Variants in DNAH11 observed in about 807,000 individuals in gnomAD.
DNAH11 encodes the protein dynein axonemal heavy chain 11.
A neutral mutation model predicts 526.0 loss-of-function variants in DNAH11; 442 were observed. The observed-to-expected ratio is 0.84, with a 90% CI of 0.78 to 0.91. The LOEUF (loss-of-function observed/expected upper bound fraction) is 0.91, where lower values mean the gene tolerates loss of function less well. DNAH11 is among the 40% of genes least tolerant of loss of function. The pLI is 0.00. For synonymous variants in DNAH11, 2,461 were observed against 1,935.9 expected (o/e 1.27, Z -7.12); for missense variants, 6,989 against 5,448.7 (o/e 1.28, Z -8.90).
chr7:21,727,452 T>C (rs1273529037), intron 45 of DNAH11, among the ~76,000 whole-genome samples: 1 of 152,230 alleles, frequency 6.6e-6, no homozygotes, highest in African/African-American at 2.4e-5. Context: ...TGAATATGTT[T>C]AATCTCGTCT....
intron 36 of DNAH11, among the ~76,000 whole-genome samples, chr7:21,699,825 A>T (rs1401417322): frequency 1.3e-5 from 2 of 152,058 alleles, no homozygotes; most frequent in Non-Finnish European, 2.9e-5. Flanking sequence ...TTTAATGAGC[A>T]TCTAGTATAA....
At chr7:21,844,697 C>G (rs76143649) in intron 66 of DNAH11, among the ~76,000 whole-genome samples, 269 of 152,278 alleles carry the variant, frequency 1.8e-3, no homozygotes, top group African/African-American at 6.3e-3. Context: ...TCTGGCCACA[C>G]CCCAGATCCC....
intron 76 of DNAH11, among the ~76,000 whole-genome samples, chr7:21,892,040 C>T (rs1257192695): frequency 6.6e-6 from 1 of 152,146 alleles, no homozygotes; most frequent in African/African-American, 2.4e-5. Context: ...ATGTCTACCT[C>T]AGCAAATTCA....
rs752866813 is a variant in DNAH11, at chr7:21,559,743, T to G, written c.833T>G (p.Leu278Arg). The G allele has an allele frequency of 6.2e-6, 10 of 1,608,640 alleles. No homozygotes were observed. In the South Asian group the frequency reaches 1.1e-4, roughly 18 times the overall value. Residue 278 changes from leucine to arginine, a missense_variant, in exon 4 of 82, where the codon CTA becomes CGA. Transcript: ENST00000409508. ...CTTCACTTGTCTCCTCAAGCAGAAC[T>G]AGATTTCTGGATGATGAGGAGAGAA... ...NGLHLSPQAELDFWMMRRENL... is the reference protein window; with the variant it reads ...NGLHLSPQAERDFWMMRRENL...
At chr7:21,750,161 G>A in intron 53 of DNAH11, 61 bp from the exon 54 acceptor site, 1 of 1,498,414 alleles carries the variant, frequency 6.7e-7, no homozygotes, top group South Asian at 1.3e-5. Flanking sequence ...ACGTTTAAAA[G>A]TTATATGTAA....
At chr7:21,688,699 C>T (rs565426227) in intron 34 of DNAH11, among the ~76,000 whole-genome samples, 1 of 152,332 alleles carries the variant, frequency 6.6e-6, no homozygotes, top group South Asian at 2.1e-4. Flanking sequence ...TAGGTTATAC[C>T]TTCATGTTCT....
At chr7:21,685,476 T>A (rs1000551218) in intron 32 of DNAH11, among the ~76,000 whole-genome samples, 9 of 152,210 alleles carry the variant, frequency 5.9e-5, no homozygotes, top group African/African-American at 2.2e-4. Flanking sequence ...ATAAAATGTT[T>A]CCATTTCCAT....
At chr7:21,646,039 A>T (rs536155158) in intron 28 of DNAH11, among the ~76,000 whole-genome samples, 1 of 152,224 alleles carries the variant, frequency 6.6e-6, no homozygotes, top group Non-Finnish European at 1.5e-5. Context: ...GGTGTTGGCA[A>T]TGCAAACAAA....
intron 32 of DNAH11, among the ~76,000 whole-genome samples, chr7:21,684,614 G>T (rs2128473242): frequency 6.6e-6 from 1 of 152,310 alleles, no homozygotes; most frequent in East Asian, 1.9e-4. Context: ...AGAGATCCTG[G>T]GGCAGAAAGT....
chr7:21,706,861 G>A (rs1430059379), intron 39 of DNAH11, among the ~76,000 whole-genome samples: 1 of 152,178 alleles, frequency 6.6e-6, no homozygotes, highest in Non-Finnish European at 1.5e-5. Flanking sequence ...TTTCAAAGGA[G>A]CAAAAGGGAG....
chr7:21,545,812 C>G (rs1430059044), intron 2 of DNAH11, among the ~76,000 whole-genome samples: 2 of 152,164 alleles, frequency 1.3e-5, no homozygotes, highest in Non-Finnish European at 2.9e-5. Flanking sequence ...TGCTGATGCT[C>G]TTTGTTTGTG....
chr7:21,624,236 T>G (rs1482073680), intron 25 of DNAH11, among the ~76,000 whole-genome samples: 1 of 152,162 alleles, frequency 6.6e-6, no homozygotes, highest in African/African-American at 2.4e-5. Context: ...TTATCTACAT[T>G]TTTTCATCAA....
At chr7:21,765,313 G>C in intron 54 of DNAH11, 115 bp from the exon 55 acceptor site, 3 of 1,450,788 alleles carry the variant, frequency 2.1e-6, no homozygotes, top group Non-Finnish European at 9.5e-7. Flanking sequence ...AGGGCTTTAG[G>C]GTAGTTTAAT....
chr7:21,763,908 C>T (rs1415248653), intron 54 of DNAH11, among the ~76,000 whole-genome samples: 3 of 151,500 alleles, frequency 2.0e-5, no homozygotes, highest in Non-Finnish European at 4.4e-5. Flanking sequence ...ACCTCGAGGA[C>T]ATCATGCTAA....
rs542294557 is a variant in DNAH11, at chr7:21,842,765, C to T, written c.10896+17C>T. 5.1e-6 allele frequency: 8 copies of T among 1,579,206 alleles called. No homozygotes were observed. Among genetic ancestry groups the T allele is most frequent in the African/African-American group, 1.3e-5 (1 of 74,118 alleles). On this transcript the variant is annotated intron_variant, in intron 66 of 81. Transcript: ENST00000409508. ...AAACTTAAGGTAAAAATGTTTACGTCACCACCAACACTTAGTCGGCATTTG... is the reference window on the plus strand; with the variant it reads ...AAACTTAAGGTAAAAATGTTTACGTTACCACCAACACTTAGTCGGCATTTG...
intron 61 of DNAH11, among the ~76,000 whole-genome samples, chr7:21,792,126 G>A (rs911610620): frequency 2.6e-5 from 4 of 152,098 alleles, no homozygotes; most frequent in African/African-American, 9.7e-5. Context: ...TTATCATAAA[G>A]GGGTATTGAA....
intron 5 of DNAH11, among the ~76,000 whole-genome samples, chr7:21,561,880 GT>G (rs1251661501): frequency 3.9e-5 from 6 of 151,960 alleles, no homozygotes; most frequent in African/African-American, 1.4e-4. Context: ...AACTTTTTTT[GT>G]TTCTAATATT....
intron 14 of DNAH11, among the ~76,000 whole-genome samples, chr7:21,598,816 C>A (rs62447775): frequency 0.11 from 17,338 of 152,088 alleles, 1,216 homozygotes; most frequent in East Asian, 0.2. Context: ...TTATTTCCCA[C>A]TTAAAAGTGA....
chr7:21,819,457 A>C (rs191867488), intron 65 of DNAH11, among the ~76,000 whole-genome samples: 8 of 152,224 alleles, frequency 5.3e-5, no homozygotes, highest in Admixed American at 5.2e-4. Flanking sequence ...CTAACAAGCC[A>C]CTTGACAAAC....
Sources: allele counts gnomAD v4.1 joint callset (sites outside exome capture counted in the v4.1 genomes callset), GRCh38; gene constraint gnomAD v4.1.1; transcripts MANE v1.5; gene names NCBI Gene and HGNC (gene_info 2026-07-23, HGNC 2026-07-21).